The following CBL variants were observed in gnomAD, a reference collection of about 807,000 sequenced individuals.
CBL encodes Cbl proto-oncogene.
In CBL, 45 loss-of-function variants were observed where a neutral mutation model predicts 96.9. The observed-to-expected ratio is 0.46, with a 90% CI of 0.37 to 0.60. The LOEUF is 0.60. CBL is among the 20% of genes least tolerant of loss of function. The probability of loss-of-function intolerance (pLI) is 0.00; values close to 1 mark genes in which losing one functional copy is unlikely to be tolerated. For missense variants in CBL, 1,024 were observed against 1,143.5 expected, an observed-to-expected ratio of 0.90 and a Z score of 1.51; for synonymous variants, 420 against 426.8, an observed-to-expected ratio of 0.98 and a Z score of 0.20.
chr11:119,265,638 C>A (rs1220583580), intron 2 of CBL, among the ~76,000 whole-genome samples: 4 of 152,294 alleles, frequency 2.6e-5, no homozygotes, highest in African/African-American at 7.2e-5. Flanking sequence ...GTAATCCCAG[C>A]ACTTTGGGAA....
chr11:119,248,880 G>A (rs1251739364), intron 2 of CBL, among the ~76,000 whole-genome samples: 1 of 152,110 alleles, frequency 6.6e-6, no homozygotes, highest in African/African-American at 2.4e-5. Flanking sequence ...ATGAAAGGAT[G>A]CTCAACATCA....
intron 12 of CBL, among the ~76,000 whole-genome samples, 180 bp downstream of exon 12, chr11:119,288,126 G>C (rs912907677): frequency 6.6e-6 from 1 of 152,098 alleles, no homozygotes; most frequent in African/African-American, 2.4e-5. Context: ...CTGCATATGT[G>C]TACCTAGATC....
chr11:119,210,527 T>A (rs1949307430), intron 1 of CBL, among the ~76,000 whole-genome samples: 1 of 151,980 alleles, frequency 6.6e-6, no homozygotes, highest in East Asian at 1.9e-4. Flanking sequence ...CCTCCCAGGT[T>A]CAAATGATTT....
At chr11:119,284,923 A>C in intron 9 of CBL, 46 bp from the exon 10 acceptor site, 1 of 1,611,686 alleles carries the variant, frequency 6.2e-7, no homozygotes, top group Non-Finnish European at 8.5e-7. Flanking sequence ...GAAAGATGCC[A>C]TTTCCCCAAA....
At chr11:119,231,692 G>A (rs1949502676) in intron 1 of CBL, among the ~76,000 whole-genome samples, 1 of 152,124 alleles carries the variant, frequency 6.6e-6, no homozygotes, top group South Asian at 2.1e-4. Flanking sequence ...TGGGCAAGAA[G>A]AGTGAAACTC....
chr11:119,208,009 G>C (rs1454761599), intron 1 of CBL, among the ~76,000 whole-genome samples: 1 of 152,096 alleles, frequency 6.6e-6, no homozygotes, highest in East Asian at 1.9e-4. Context: ...TTTTAGGGCT[G>C]GCTTTTCTCA....
At chr11:119,261,124 G>T (rs1326065488) in intron 2 of CBL, among the ~76,000 whole-genome samples, 5 of 151,648 alleles carry the variant, frequency 3.3e-5, no homozygotes, top group African/African-American at 1.2e-4. Context: ...ATGTTGGCCA[G>T]GCTGGTCTCG....
intron 11 of CBL, among the ~76,000 whole-genome samples, 173 bp downstream of exon 11, chr11:119,285,739 T>C (rs1024931872): frequency 3.3e-5 from 5 of 151,932 alleles, no homozygotes; most frequent in Non-Finnish European, 5.9e-5. Context: ...CTACAAAAAT[T>C]ACAAAAATTA....
At chr11:119,225,038 A>G (rs1382910819) in intron 1 of CBL, among the ~76,000 whole-genome samples, 1 of 151,492 alleles carries the variant, frequency 6.6e-6, no homozygotes, top group Non-Finnish European at 1.5e-5. Context: ...GTTTTATCCT[A>G]AACTCTTTGG....
chr11:119,279,356 CAAA>C (rs1307601674), intron 9 of CBL, among the ~76,000 whole-genome samples: 2 of 151,076 alleles, frequency 1.3e-5, no homozygotes, highest in South Asian at 4.2e-4. Flanking sequence ...CAAAACAAAA[CAAA>C]AAAAAGCTGG....
intron 11 of CBL, 146 bp downstream of exon 11, chr11:119,285,712 G>A: frequency 1.0e-5 from 9 of 887,674 alleles, no homozygotes; most frequent in South Asian, 1.5e-5. Context: ...CCTGGGGGAC[G>A]TAGTGAAACC....
chr11:119,287,029 G>A (rs1298650967), intron 11 of CBL, among the ~76,000 whole-genome samples: 2 of 152,170 alleles, frequency 1.3e-5, no homozygotes, highest in African/African-American at 2.4e-5. Flanking sequence ...GTGCCATGCT[G>A]ATCCCAGGGG....
At position 119,301,935 on chromosome 11, in the gene CBL, G is replaced by C. The variant is rs1950105355; in HGVS notation, c.*2154G>C. 4.3e-6 allele frequency: 1 copy of C among 232,662 alleles called. No individual in the cohort carries two copies. Among genetic ancestry groups the C allele is most frequent in the Non-Finnish European group, 8.5e-6 (1 of 117,946 alleles). 14.4% of individuals were successfully genotyped at this position (232,662 alleles called of 1,614,324 possible). On this transcript the variant is annotated 3_prime_UTR_variant, in exon 16 of 16. Coordinates refer to ENST00000264033, the MANE Select transcript of CBL (RefSeq NM_005188.4). ...AGCAGTTTCCAGGCCCATCCATATTGTAATTTTTCTTTATCTGCAGATATT... is the reference window on the plus strand; with the variant it reads ...AGCAGTTTCCAGGCCCATCCATATTCTAATTTTTCTTTATCTGCAGATATT...
intron 15 of CBL, among the ~76,000 whole-genome samples, chr11:119,299,205 C>T (rs1301252892): frequency 2.0e-5 from 3 of 152,230 alleles, no homozygotes; most frequent in Non-Finnish European, 2.9e-5. Context: ...CAGACAATTA[C>T]ATGTGCACAA....
intron 1 of CBL, among the ~76,000 whole-genome samples, chr11:119,224,719 T>C (rs1309038670): frequency 6.6e-6 from 1 of 151,718 alleles, no homozygotes; most frequent in East Asian, 1.9e-4. Flanking sequence ...GCCTCCTGAG[T>C]AGCTGGGATT....
chr11:119,245,956 C>CTTTTTTTTTTTTTTTTTTTTTTTT (rs71048054), intron 2 of CBL, among the ~76,000 whole-genome samples: 2 of 54,300 alleles, frequency 3.7e-5, no homozygotes, highest in African/African-American at 6.5e-5. Flanking sequence ...CTTTGCAAAT[C>CTTTTTTTTTTTTTTTTTTTTTTTT]TTTTTTTTTT....
chr11:119,248,524 A>T (rs1005547080), intron 2 of CBL, among the ~76,000 whole-genome samples: 1 of 152,230 alleles, frequency 6.6e-6, no homozygotes, highest in African/African-American at 2.4e-5. Context: ...CAAAGACCTA[A>T]ATTTAAGAAC....
rs138351636 is a variant in CBL, at chr11:119,275,916, G to T, written c.870-81G>T. On this transcript the variant is annotated intron_variant, in intron 5 of 15. Coordinates refer to ENST00000264033, the MANE Select transcript of CBL (RefSeq NM_005188.4). ...TATTGTTATTCTTGATGGTTCTTTT[G>T]ATTTTTGTCTGTATCTTGCCTTGCC... The T allele has an allele frequency of 4.3e-4, 561 of 1,290,738 alleles. 4 individuals carry two copies. In the East Asian group the frequency reaches 8.8e-3, roughly 20 times the overall value. The allele number at this position is 1,290,738 out of a possible 1,614,324, so 80.0% of individuals were successfully genotyped here. A position where few individuals can be genotyped will look rare whatever the true frequency, so the allele number is the denominator to read the frequency against.
chr11:119,296,175 A>C (rs1279759615), intron 12 of CBL, among the ~76,000 whole-genome samples: 2 of 152,210 alleles, frequency 1.3e-5, no homozygotes, highest in African/African-American at 2.4e-5. Context: ...TGCTCCTTGT[A>C]GCATCTTTAG....
Sources: allele counts gnomAD v4.1 joint callset (sites outside exome capture counted in the v4.1 genomes callset), GRCh38; gene constraint gnomAD v4.1.1; transcripts MANE v1.5; gene names NCBI Gene and HGNC (gene_info 2026-07-23, HGNC 2026-07-21).